Variants in NELL1 observed in about 807,000 individuals in gnomAD.
NELL1 encodes protein kinase C-binding protein NELL1.
In NELL1, 76 loss-of-function variants were observed where a neutral mutation model predicts 107.4. That is an observed-to-expected ratio of 0.71 (90% confidence interval 0.59 to 0.86). The LOEUF is 0.86. NELL1 is among the 40% of genes least tolerant of loss of function. The probability of loss-of-function intolerance (pLI) is 0.00; values close to 1 mark genes in which losing one functional copy is unlikely to be tolerated. For synonymous variants in NELL1, 353 were observed against 341.2 expected, an observed-to-expected ratio of 1.03 and a Z score of -0.38; for missense variants, 1,024 against 1,005.5, an observed-to-expected ratio of 1.02 and a Z score of -0.25.
At chr11:20,778,498 C>CTTTTTTT (rs1161737750) in intron 2 of NELL1, among the ~76,000 whole-genome samples, 23 of 73,016 alleles carry the variant, frequency 3.1e-4, no homozygotes, top group Non-Finnish European at 4.3e-4. Context: ...TCACCCAGCA[C>CTTTTTTT]TTTTTTTTTT....
At chr11:21,251,860 T>G (rs1290092082) in intron 14 of NELL1, among the ~76,000 whole-genome samples, 2 of 152,092 alleles carry the variant, frequency 1.3e-5, no homozygotes, top group Non-Finnish European at 2.9e-5. Context: ...AGTGAGTAGT[T>G]ATGTTACATA....
At chr11:21,083,623 G>A (rs906530187) in intron 12 of NELL1, among the ~76,000 whole-genome samples, 1 of 152,086 alleles carries the variant, frequency 6.6e-6, no homozygotes, top group Non-Finnish European at 1.5e-5. Flanking sequence ...GTCAGCCACT[G>A]GGAAGACATT....
At chr11:21,193,068 T>C (rs1057465886) in intron 13 of NELL1, among the ~76,000 whole-genome samples, 1 of 151,904 alleles carries the variant, frequency 6.6e-6, no homozygotes, top group Admixed American at 6.6e-5. Flanking sequence ...GTTTACTTTT[T>C]GTTATTTCTC....
At chr11:20,690,875 G>A (rs886993860) in intron 2 of NELL1, among the ~76,000 whole-genome samples, 5 of 151,616 alleles carry the variant, frequency 3.3e-5, no homozygotes, top group Non-Finnish European at 5.9e-5. Flanking sequence ...ACCTTGGGCA[G>A]TATGGCCATT....
At chr11:20,776,450 A>G (rs148515762) in intron 2 of NELL1, among the ~76,000 whole-genome samples, 72 of 152,016 alleles carry the variant, frequency 4.7e-4, no homozygotes, top group African/African-American at 1.7e-3. Context: ...ACTGTCTCAA[A>G]AAAATAAATA....
intron 15 of NELL1, among the ~76,000 whole-genome samples, chr11:21,416,087 T>C (rs1210943770): frequency 2.6e-5 from 4 of 152,058 alleles, no homozygotes; most frequent in East Asian, 3.9e-4. Context: ...GAAGGAAATA[T>C]CTTTCTTCAG....
chr11:20,881,193 C>G (rs1023521401), intron 4 of NELL1, among the ~76,000 whole-genome samples: 2 of 152,144 alleles, frequency 1.3e-5, no homozygotes, highest in Non-Finnish European at 2.9e-5. Context: ...TCACGTTGCT[C>G]TATTAGGAAA....
At chr11:20,993,321 C>A (rs1852018552) in intron 12 of NELL1, among the ~76,000 whole-genome samples, 1 of 152,106 alleles carries the variant, frequency 6.6e-6, no homozygotes, top group Non-Finnish European at 1.5e-5. Context: ...GCAGGGGATA[C>A]TATAACTAGT....
chr11:21,285,134 T>C (rs983966768), intron 14 of NELL1, among the ~76,000 whole-genome samples: 3 of 152,204 alleles, frequency 2.0e-5, no homozygotes, highest in Admixed American at 6.5e-5. Flanking sequence ...CTGATTTTTT[T>C]CCCATTAAAT....
intron 15 of NELL1, among the ~76,000 whole-genome samples, chr11:21,521,123 G>A (rs2133955810): frequency 6.6e-6 from 1 of 152,302 alleles, no homozygotes; most frequent in South Asian, 2.1e-4. Flanking sequence ...TCTTTTGAAT[G>A]TAAGTATTAC....
intron 14 of NELL1, among the ~76,000 whole-genome samples, chr11:21,275,829 G>A (rs1486043347): frequency 1.3e-5 from 2 of 152,126 alleles, no homozygotes; most frequent in African/African-American, 2.4e-5. Context: ...ATGCAGAAAA[G>A]GCCTTTGACA....
intron 14 of NELL1, among the ~76,000 whole-genome samples, chr11:21,345,523 A>G (rs1404714551): frequency 1.3e-5 from 2 of 152,188 alleles, no homozygotes; most frequent in African/African-American, 4.8e-5. Context: ...TTCCTCAGTC[A>G]CTTAGTGGGT....
chr11:20,885,465 C>A lies in NELL1; in HGVS notation c.528C>A (p.Asp176Glu), dbSNP rs772192543. The change falls in exon 5 of 20, where the codon GAC becomes GAA. Residue 176 changes from aspartate (D) to glutamate (E), a missense_variant. Coordinates refer to ENST00000357134, the MANE Select transcript of NELL1 (RefSeq NM_006157.5). ...DCNRIYERVI[D>E]PPDTNLPPGI... Reference sequence around the variant, plus strand: ...ACAGGATTTATGAGCGTGTGATAGACCCTCCAGATACCAACCTTCCCCCAG... The same window carrying A: ...ACAGGATTTATGAGCGTGTGATAGAACCTCCAGATACCAACCTTCCCCCAG... The A allele has an allele frequency of 1.9e-6, 3 of 1,611,724 alleles. No homozygotes were observed. In the African/African-American group the frequency reaches 4.0e-5, roughly 22 times the overall value.
intron 7 of NELL1, among the ~76,000 whole-genome samples, chr11:20,923,095 G>C (rs1850416661): frequency 6.6e-6 from 1 of 152,118 alleles, no homozygotes; most frequent in Non-Finnish European, 1.5e-5. Context: ...CCCTAGTCTA[G>C]GAGTCCTGGA....
intron 13 of NELL1, among the ~76,000 whole-genome samples, chr11:21,175,845 T>A (rs934441714): frequency 4.0e-5 from 6 of 151,890 alleles, no homozygotes; most frequent in African/African-American, 1.5e-4. Context: ...ATGAAAAAGT[T>A]GAGGCTTTGT....
chr11:20,914,491 G>A (rs910029031), intron 5 of NELL1, among the ~76,000 whole-genome samples: 3 of 152,114 alleles, frequency 2.0e-5, no homozygotes, highest in African/African-American at 7.2e-5. Flanking sequence ...TTATCATGCA[G>A]ATGAAGCCTC....
At chr11:20,912,160 A>T (rs1004269098) in intron 5 of NELL1, among the ~76,000 whole-genome samples, 17 of 152,324 alleles carry the variant, frequency 1.1e-4, no homozygotes, top group African/African-American at 3.6e-4. Flanking sequence ...CACTTGTCAA[A>T]CCTAATTTCT....
At chr11:21,296,296 T>A (rs934506505) in intron 14 of NELL1, among the ~76,000 whole-genome samples, 3 of 151,806 alleles carry the variant, frequency 2.0e-5, no homozygotes, top group Admixed American at 2.0e-4. Context: ...GAATAAATTT[T>A]AAAAAAAGAC....
At chr11:20,869,665 G>A (rs1464670086) in intron 4 of NELL1, among the ~76,000 whole-genome samples, 4 of 152,174 alleles carry the variant, frequency 2.6e-5, no homozygotes, top group African/African-American at 9.6e-5. Context: ...ATAAGAGCTG[G>A]TTTCTGCTTT....
Sources: gnomAD v4.1 joint callset for allele counts (sites outside exome capture counted in the v4.1 genomes callset) on GRCh38, gnomAD v4.1.1 for gene constraint, MANE v1.5 for transcripts, NCBI Gene and HGNC (gene_info 2026-07-23, HGNC 2026-07-21) for gene names.